Variants in PPARGC1A observed in about 807,000 individuals in gnomAD.
PPARGC1A encodes peroxisome proliferator-activated receptor gamma coactivator 1-alpha.
In PPARGC1A, 25 loss-of-function variants were observed where a neutral mutation model predicts 88.7. The observed-to-expected ratio is 0.28, with a 90% CI of 0.21 to 0.39. The LOEUF (loss-of-function observed/expected upper bound fraction) is 0.39. Ranked by LOEUF, PPARGC1A falls within the 10% of genes least tolerant of loss-of-function variation. The pLI is 1.00. For missense variants in PPARGC1A, 880 were observed against 968.7 expected (o/e 0.91, Z 1.22); for synonymous variants, 363 against 355.6 (o/e 1.02, Z -0.24).
the PPARGC1A span, among the ~76,000 whole-genome samples, chr4:24,350,989 T>C: frequency 7.5e-6 from 1 of 133,174 alleles, no homozygotes; most frequent in Admixed American, 7.6e-5. Flanking sequence ...TTTTTTTTTT[T>C]AATTACCTGG....
At chr4:24,337,208 C>G in the PPARGC1A span, among the ~76,000 whole-genome samples, 3 of 152,230 alleles carry the variant, frequency 2.0e-5, no homozygotes, top group South Asian at 2.1e-4. Flanking sequence ...GGGAGCCCAT[C>G]TTTCCTCTGA....
At chr4:24,088,914 G>A in the PPARGC1A span, among the ~76,000 whole-genome samples, 1 of 152,166 alleles carries the variant, frequency 6.6e-6, no homozygotes, top group South Asian at 2.1e-4. Flanking sequence ...GCTTTGGGCA[G>A]GTTATGTAAC....
chr4:24,443,555 T>G, the PPARGC1A span, among the ~76,000 whole-genome samples: 1 of 147,822 alleles, frequency 6.8e-6, no homozygotes, highest in South Asian at 2.2e-4. Flanking sequence ...TTGTTTGTTT[T>G]TGTTTTTATA....
chr4:24,423,031 T>C, the PPARGC1A span, among the ~76,000 whole-genome samples: 2 of 152,162 alleles, frequency 1.3e-5, no homozygotes, highest in Non-Finnish European at 2.9e-5. Context: ...TTGTAGAGAT[T>C]TTCCCAACCT....
chr4:23,816,048 G>A (rs1721931120), intron 7 of PPARGC1A, among the ~76,000 whole-genome samples: 1 of 152,188 alleles, frequency 6.6e-6, no homozygotes, highest in Non-Finnish European at 1.5e-5. Context: ...TTTCTCTAAA[G>A]TGAAATATTT....
chr4:24,130,285 A>G, the PPARGC1A span, among the ~76,000 whole-genome samples: 1 of 152,268 alleles, frequency 6.6e-6, no homozygotes, highest in African/African-American at 2.4e-5. Flanking sequence ...CTCCATTTAT[A>G]CCCCAGGAAA....
the PPARGC1A span, among the ~76,000 whole-genome samples, chr4:24,184,462 G>A: frequency 6.6e-6 from 1 of 152,208 alleles, no homozygotes; most frequent in Non-Finnish European, 1.5e-5. Flanking sequence ...TCCATACCTG[G>A]TATTGTGGGA....
At chr4:24,206,836 A>C in the PPARGC1A span, among the ~76,000 whole-genome samples, 2 of 106,198 alleles carry the variant, frequency 1.9e-5, no homozygotes, top group Admixed American at 1.0e-4. Context: ...GAAAGACTTC[A>C]CCTTAAAAAA....
chr4:24,082,714 T>C, the PPARGC1A span, among the ~76,000 whole-genome samples: 2 of 152,120 alleles, frequency 1.3e-5, no homozygotes, highest in South Asian at 2.1e-4. Context: ...AAATCTTCCC[T>C]CCACATCTCA....
chr4:24,202,399 C>T, the PPARGC1A span, among the ~76,000 whole-genome samples: 7 of 152,218 alleles, frequency 4.6e-5, no homozygotes, highest in South Asian at 2.1e-4. Flanking sequence ...TCCCACTGAA[C>T]GTAACAGAGA....
the PPARGC1A span, among the ~76,000 whole-genome samples, chr4:24,463,014 G>A: frequency 2.0e-4 from 31 of 151,888 alleles, no homozygotes; most frequent in African/African-American, 7.0e-4. Flanking sequence ...TCACAAGCCC[G>A]CCAACTTCTA....
At chr4:23,965,970 T>C in the PPARGC1A span, among the ~76,000 whole-genome samples, 147 of 152,238 alleles carry the variant, frequency 9.7e-4, no homozygotes, top group Middle Eastern at 0.014. Flanking sequence ...CAATAAAGCA[T>C]GCCAAACAAG....
intron 5 of PPARGC1A, among the ~76,000 whole-genome samples, chr4:23,827,399 G>A (rs970220931): frequency 6.6e-6 from 1 of 151,678 alleles, no homozygotes; most frequent in African/African-American, 2.4e-5. Context: ...CCACTCTGCA[G>A]TTAAAAGGAA....
chr4:24,070,565 A>C, the PPARGC1A span, among the ~76,000 whole-genome samples: 6 of 152,154 alleles, frequency 3.9e-5, no homozygotes, highest in African/African-American at 1.4e-4. Context: ...TAGGTTCCAG[A>C]AACACAAAAT....
At chr4:24,097,384 C>T in the PPARGC1A span, among the ~76,000 whole-genome samples, 3 of 152,294 alleles carry the variant, frequency 2.0e-5, no homozygotes, top group South Asian at 6.2e-4. Flanking sequence ...TTTGTACACA[C>T]TTGCACTTAA....
the PPARGC1A span, among the ~76,000 whole-genome samples, chr4:23,949,382 A>G: frequency 6.6e-6 from 1 of 152,160 alleles, no homozygotes; most frequent in Non-Finnish European, 1.5e-5. Context: ...CAAGCACAGC[A>G]CTAAATTACG....
At chr4:24,113,584 A>C in the PPARGC1A span, among the ~76,000 whole-genome samples, 1 of 152,112 alleles carries the variant, frequency 6.6e-6, no homozygotes, top group South Asian at 2.1e-4. Flanking sequence ...CTTTGTTAGA[A>C]ATGTGTTTAG....
At chr4:23,867,839 C>T (rs993617579) in intron 2 of PPARGC1A, among the ~76,000 whole-genome samples, 1 of 152,180 alleles carries the variant, frequency 6.6e-6, no homozygotes, top group Non-Finnish European at 1.5e-5. Flanking sequence ...CACACTTTTC[C>T]ACAAGAGGTA....
the PPARGC1A span, among the ~76,000 whole-genome samples, chr4:24,160,449 A>T: frequency 2.0e-5 from 3 of 152,184 alleles, no homozygotes; most frequent in African/African-American, 7.2e-5. Context: ...TTGCCCAGGT[A>T]TTCTGAATAG....
Sources: allele counts gnomAD v4.1 joint callset (sites outside exome capture counted in the v4.1 genomes callset), GRCh38; gene constraint gnomAD v4.1.1; transcripts MANE v1.5; gene names NCBI Gene and HGNC (gene_info 2026-07-23, HGNC 2026-07-21).